AMOT: variants seen among roughly 807,000 people sequenced by gnomAD.
The protein encoded by AMOT is angiomotin.
AMOT carries 11 observed loss-of-function variants against 67.0 expected under a neutral mutation model. That is an observed-to-expected ratio of 0.16 (90% CI 0.10 to 0.27). The LOEUF (loss-of-function observed/expected upper bound fraction) is 0.27, where lower values mean the gene tolerates loss of function less well. Among genes scored for constraint, AMOT ranks in the 10% least tolerant of loss-of-function variants. AMOT has a pLI of 1.00. For synonymous variants in AMOT, 326 were observed against 321.4 expected (o/e 1.01, Z -0.15); for missense variants, 753 against 852.0 (o/e 0.88, Z 1.45).
rs1021964970 is a variant in AMOT at position 112,776,332 on chromosome X, T to C, written c.*2235A>G. The C allele has an allele frequency of 8.9e-6, 1 of 112,531 alleles. No homozygotes were observed. The allele number at this position is 112,531 out of a possible 1,213,427, so 9.3% of individuals were successfully genotyped here. ...AAAAGTGTTTTTTAAATTATTTGGA[T>C]AGAAAGTAGCTCTCCTGAAGTTTGC... On this transcript the variant is annotated 3_prime_UTR_variant, in exon 14 of 14. Coordinates refer to ENST00000371959, the MANE Select transcript of AMOT (RefSeq NM_001113490.2).
intron 8 of AMOT, among the ~76,000 whole-genome samples, chrX:112,792,647 C>T (rs1933652219): frequency 1.8e-5 from 2 of 111,964 alleles, no homozygotes; most frequent in Non-Finnish European, 1.9e-5. Flanking sequence ...GTCTCCACAT[C>T]GCCTAGCACT....
Position 112,790,577 on chromosome X carries a change from C to G in AMOT, c.2117+15G>C. ...TCTGTTCTTCCCACTCATGCCCTAC[C>G]AGCTACCTACTTACCTCTGAGCAGC... is the stretch of plus-strand genomic sequence containing the variant. On this transcript the variant is annotated intron_variant, in intron 10 of 13. Transcript: ENST00000371959. The G allele has an allele frequency of 8.5e-7, 1 of 1,171,205 alleles. No homozygotes were observed. Among genetic ancestry groups the G allele is most frequent in the Non-Finnish European group, 1.1e-6 (1 of 873,816 alleles).
intron 9 of AMOT, among the ~76,000 whole-genome samples, 195 bp downstream of exon 9, chrX:112,791,637 T>C (rs930589870): frequency 8.9e-6 from 1 of 112,141 alleles, no homozygotes; most frequent in Admixed American, 9.4e-5. Context: ...ATTTCTGGGA[T>C]AGGAAGCTAA....
intron 3 of AMOT, among the ~76,000 whole-genome samples, chrX:112,824,606 G>C (rs1039800667): frequency 9.0e-6 from 1 of 110,789 alleles, no homozygotes; most frequent in Non-Finnish European, 1.9e-5. Context: ...CAACTGTTGC[G>C]CTGGGCAGTC....
rs889287396 is a variant in AMOT, at chrX:112,839,771, A to T, written c.-289+681T>A. On this transcript the variant is annotated intron_variant, in intron 1 of 13. Coordinates refer to ENST00000371959, the MANE Select transcript of AMOT (RefSeq NM_001113490.2). ...TTCACAAACCCATGAAGCCCATCTT[A>T]CTGTTGAAGCACCAATGTGCAGTGG... is the stretch of plus-strand genomic sequence containing the variant. Among the ~76,000 whole-genome samples the T allele has an allele frequency of 2.7e-5, 3 of 110,520 alleles. No homozygotes were observed. The Admixed American group carries it at 2.9e-4, about 11-fold the overall frequency.
chrX:112,823,217 C>T, intron 3 of AMOT, 29 bp from the exon 4 acceptor site: 7 of 900,812 alleles, frequency 7.8e-6, no homozygotes, highest in Non-Finnish European at 9.1e-6. Flanking sequence ...AAGCTTAACA[C>T]CCAGTTGATG....
chrX:112,804,583 T>C (rs1211682450), intron 8 of AMOT, among the ~76,000 whole-genome samples: 2 of 111,622 alleles, frequency 1.8e-5, no homozygotes, highest in African/African-American at 3.3e-5. Flanking sequence ...CATCTATACA[T>C]ATACATATCT....
At chrX:112,829,064 C>A (rs906701897) in intron 2 of AMOT, among the ~76,000 whole-genome samples, 1 of 111,999 alleles carries the variant, frequency 8.9e-6, no homozygotes, top group Non-Finnish European at 1.9e-5. Flanking sequence ...TTCCAGGCCC[C>A]CTGTTCCAGG....
At chrX:112,786,591 T>G (rs952079989) in intron 10 of AMOT, among the ~76,000 whole-genome samples, 9 of 112,241 alleles carry the variant, frequency 8.0e-5, no homozygotes, top group Non-Finnish European at 1.7e-4. Flanking sequence ...ATTATTGTGA[T>G]TATTTATAAT....
chrX:112,832,790 C>T (rs1935025662), intron 1 of AMOT, among the ~76,000 whole-genome samples: 1 of 111,799 alleles, frequency 8.9e-6, no homozygotes, highest in African/African-American at 3.3e-5. Context: ...TCAAGGGAGC[C>T]CCATCTGCCT....
chrX:112,832,967 C>T (rs1378162299), intron 1 of AMOT, among the ~76,000 whole-genome samples: 2 of 112,095 alleles, frequency 1.8e-5, no homozygotes, highest in African/African-American at 6.5e-5. Context: ...GCCTTGCAAG[C>T]ACAGGGAACC....
intron 8 of AMOT, among the ~76,000 whole-genome samples, chrX:112,794,039 A>G (rs680158): frequency 0.31 from 34,732 of 111,217 alleles, 7,078 homozygotes; most frequent in African/African-American, 0.75. Context: ...TAAGGGAGCA[A>G]GGCAATGTTA....
chrX:112,802,855 C>T (rs766097851), intron 8 of AMOT, among the ~76,000 whole-genome samples: 3 of 112,111 alleles, frequency 2.7e-5, no homozygotes, highest in African/African-American at 9.7e-5. Context: ...ACCTTTTCAG[C>T]GAGGGCTGCC....
At chrX:112,799,380 T>C (rs1196417259) in intron 8 of AMOT, among the ~76,000 whole-genome samples, 1 of 112,345 alleles carries the variant, frequency 8.9e-6, no homozygotes, top group African/African-American at 3.2e-5. Context: ...AAACACTCCA[T>C]TGGCTAAAGG....
intron 3 of AMOT, among the ~76,000 whole-genome samples, chrX:112,824,394 G>A (rs1444444802): frequency 3.6e-5 from 4 of 111,741 alleles, no homozygotes; most frequent in Non-Finnish European, 5.6e-5. Context: ...ACCAGCATCA[G>A]GTTTCTAGAT....
At chrX:112,834,511 T>C (rs1165479117) in intron 1 of AMOT, among the ~76,000 whole-genome samples, 1 of 111,961 alleles carries the variant, frequency 8.9e-6, no homozygotes, top group Non-Finnish European at 1.9e-5. Flanking sequence ...ATCCACCCTT[T>C]CTAGCTTGGC....
At chrX:112,834,603 T>G (rs1364595582) in intron 1 of AMOT, among the ~76,000 whole-genome samples, 3 of 112,221 alleles carry the variant, frequency 2.7e-5, no homozygotes, top group Non-Finnish European at 3.8e-5. Context: ...AGCCACGAAT[T>G]GTACAGCAAG....
chrX:112,822,539 A>G lies in AMOT; in HGVS notation c.588T>C (p.Ser196=). The change falls in exon 4 of 14, where the codon AGT becomes AGC. Residue 196 remains serine, a synonymous_variant. Coordinates refer to ENST00000371959, the MANE Select transcript of AMOT (RefSeq NM_001113490.2). ...TGGGTTGTGGTGGGGAGAGGGGAGC[A>G]CTGGTAACAGGTGGATGGGCCTTAA... ...SGVKAHPPVT[S]APLSPPQPND... is the part of the protein sequence containing the mutation. 8.6e-7 allele frequency: 1 copy of G among 1,167,794 alleles called. No individual in the cohort carries two copies. The highest frequency in any genetic ancestry group is 1.1e-6 in the Non-Finnish European group (1 of 873,052).
chrX:112,806,428 T>C (rs780764567), intron 7 of AMOT, among the ~76,000 whole-genome samples: 2 of 108,020 alleles, frequency 1.9e-5, no homozygotes, highest in Non-Finnish European at 3.8e-5. Flanking sequence ...AATACTTGCA[T>C]GTGTGTGCAT....
Sources: gnomAD v4.1 joint callset for allele counts (sites outside exome capture counted in the v4.1 genomes callset) on GRCh38, gnomAD v4.1.1 for gene constraint, MANE v1.5 for transcripts, NCBI Gene and HGNC (gene_info 2026-07-23, HGNC 2026-07-21) for gene names.